The following DAAM1 variants were observed in gnomAD, a reference collection of about 807,000 sequenced individuals.
DAAM1 encodes disheveled-associated activator of morphogenesis 1.
DAAM1 carries 52 observed loss-of-function variants against 130.0 expected under a neutral mutation model. The observed-to-expected ratio is 0.40, with a 90% CI of 0.32 to 0.50. The LOEUF is 0.50. Among genes scored for constraint, DAAM1 ranks in the 20% least tolerant of loss-of-function variants. The pLI, the probability that DAAM1 is intolerant of heterozygous loss-of-function variation, is 0.61. For missense variants in DAAM1, 1,134 were observed against 1,303.8 expected (o/e 0.87, Z 2.01); for synonymous variants, 452 against 444.5 (o/e 1.02, Z -0.21).
intron 1 of DAAM1, among the ~76,000 whole-genome samples, chr14:59,246,145 G>A (rs1881359653): frequency 6.6e-6 from 1 of 152,068 alleles, no homozygotes; most frequent in Admixed American, 6.6e-5. Context: ...TCACATTGTT[G>A]TGAAACATAC....
chr14:59,237,052 G>A (rs951162659), intron 1 of DAAM1, among the ~76,000 whole-genome samples: 1 of 152,100 alleles, frequency 6.6e-6, no homozygotes, highest in Non-Finnish European at 1.5e-5. Flanking sequence ...TGTTGGTGAG[G>A]GGGCACTTAG....
intron 4 of DAAM1, among the ~76,000 whole-genome samples, chr14:59,318,276 G>A (rs1238969871): frequency 6.6e-6 from 1 of 151,632 alleles, no homozygotes; most frequent in Non-Finnish European, 1.5e-5. Flanking sequence ...CGATTCAAAC[G>A]GGAGCTAAGT....
At chr14:59,195,379 G>A (rs539410666) in intron 1 of DAAM1, among the ~76,000 whole-genome samples, 2 of 152,138 alleles carry the variant, frequency 1.3e-5, no homozygotes, top group East Asian at 1.9e-4. Context: ...TCCTGATCTC[G>A]TGATCCGCCT....
At chr14:59,267,851 A>G (rs1487796902) in intron 2 of DAAM1, among the ~76,000 whole-genome samples, 1 of 149,926 alleles carries the variant, frequency 6.7e-6, no homozygotes, top group Non-Finnish European at 1.5e-5. Context: ...CCAGTACTTC[A>G]TTCCTTTTTC....
At chr14:59,333,359 C>A (rs147110207) in intron 15 of DAAM1, among the ~76,000 whole-genome samples, 82 of 152,220 alleles carry the variant, frequency 5.4e-4, no homozygotes, top group African/African-American at 1.2e-3. Flanking sequence ...GAAAAAAACA[C>A]AATGAAGATA....
intron 16 of DAAM1, among the ~76,000 whole-genome samples, chr14:59,342,724 G>T (rs544393357): frequency 6.6e-6 from 1 of 152,130 alleles, no homozygotes; most frequent in Non-Finnish European, 1.5e-5. Flanking sequence ...AGATTTGTGC[G>T]CAGTTCAGGG....
intron 3 of DAAM1, among the ~76,000 whole-genome samples, chr14:59,308,183 A>G (rs1428441020): frequency 1.3e-5 from 2 of 152,228 alleles, no homozygotes; most frequent in African/African-American, 2.4e-5. Flanking sequence ...AATATGTGAA[A>G]ATAGTCCTTT....
In DAAM1 at chr14:59,363,800, G is replaced by T; in HGVS notation, c.2826+18G>T. 6.2e-7 allele frequency: 1 copy of T among 1,612,542 alleles called. No homozygotes were observed. On this transcript the variant is annotated intron_variant, in intron 23 of 24. Transcript: ENST00000360909. ...AAGACCTGGTAAGTTTCCCCCTTGT[G>T]CACTGAGTGTTGTTTGACCGGGCTG...
At chr14:59,354,591 C>CT (rs1045957276) in intron 19 of DAAM1, among the ~76,000 whole-genome samples, 28 of 152,144 alleles carry the variant, frequency 1.8e-4, no homozygotes, top group African/African-American at 6.7e-4. Flanking sequence ...GCCTTAGTAG[C>CT]TTTTTTAAAG....
chr14:59,311,004 A>G (rs1017375906), intron 3 of DAAM1, among the ~76,000 whole-genome samples: 2 of 152,150 alleles, frequency 1.3e-5, no homozygotes, highest in African/African-American at 4.8e-5. Context: ...TGACATACTT[A>G]TGTATTATTA....
intron 1 of DAAM1, among the ~76,000 whole-genome samples, chr14:59,232,354 T>C (rs549643463): frequency 7.0e-4 from 106 of 152,308 alleles, no homozygotes; most frequent in Middle Eastern, 3.4e-3. Flanking sequence ...CTCTCTGTCT[T>C]AGCCTTCCTG....
At chr14:59,301,760 T>C (rs929368696) in intron 3 of DAAM1, among the ~76,000 whole-genome samples, 2 of 152,234 alleles carry the variant, frequency 1.3e-5, no homozygotes, top group Admixed American at 1.3e-4. Context: ...TTCCTTTGGA[T>C]ATTCAGAAGT....
At chr14:59,355,833 G>C (rs942778639) in intron 20 of DAAM1, among the ~76,000 whole-genome samples, 1 of 152,186 alleles carries the variant, frequency 6.6e-6, no homozygotes, top group East Asian at 1.9e-4. Context: ...CCGATAGTTG[G>C]TGTTAGAATA....
intron 1 of DAAM1, among the ~76,000 whole-genome samples, chr14:59,239,935 CTGGAAAGTCAA>C (rs1162020421): frequency 6.6e-6 from 1 of 152,136 alleles, no homozygotes; most frequent in Non-Finnish European, 1.5e-5. Context: ...TTTAAGACTC[CTGGAAAGTCAA>C]TCTGGCAAAA....
chr14:59,284,749 A>G (rs746644877), intron 2 of DAAM1, among the ~76,000 whole-genome samples: 2 of 152,184 alleles, frequency 1.3e-5, no homozygotes, highest in African/African-American at 4.8e-5. Context: ...CCTTTGAAGT[A>G]ACACAGGCAG....
chr14:59,224,081 A>G (rs949392837), intron 1 of DAAM1, among the ~76,000 whole-genome samples: 2 of 152,182 alleles, frequency 1.3e-5, no homozygotes, highest in African/African-American at 2.4e-5. Flanking sequence ...GGTAAAAGTT[A>G]TATTGTTGGC....
chr14:59,318,587 G>T (rs1884882523), intron 4 of DAAM1, among the ~76,000 whole-genome samples: 1 of 151,640 alleles, frequency 6.6e-6, no homozygotes, highest in South Asian at 2.1e-4. Flanking sequence ...AGGCTTGAAA[G>T]CTTTAAACTT....
intron 1 of DAAM1, among the ~76,000 whole-genome samples, chr14:59,255,271 A>G (rs1214620283): frequency 6.6e-6 from 1 of 152,158 alleles, no homozygotes; most frequent in Non-Finnish European, 1.5e-5. Flanking sequence ...CCTCCACTGA[A>G]CACACTGACT....
chr14:59,236,734 C>G (rs984893781), intron 1 of DAAM1, among the ~76,000 whole-genome samples: 2 of 152,118 alleles, frequency 1.3e-5, no homozygotes, highest in African/African-American at 4.8e-5. Flanking sequence ...TAACGCTCAT[C>G]TGTCTGGTTC....
Sources: allele counts gnomAD v4.1 joint callset (sites outside exome capture counted in the v4.1 genomes callset), GRCh38; gene constraint gnomAD v4.1.1; transcripts MANE v1.5; gene names NCBI Gene and HGNC (gene_info 2026-07-23, HGNC 2026-07-21).